Variants in PSEN2 observed in about 807,000 individuals in gnomAD.
PSEN2 encodes the protein presenilin 2.
PSEN2 carries 32 observed loss-of-function variants against 49.1 expected under a neutral mutation model. The observed-to-expected ratio is 0.65, with a 90% CI of 0.49 to 0.88. The LOEUF (loss-of-function observed/expected upper bound fraction) is 0.88. Ranked by LOEUF, PSEN2 falls within the 40% of genes least tolerant of loss-of-function variation. The pLI, the probability that PSEN2 is intolerant of heterozygous loss-of-function variation, is 0.00. For missense variants in PSEN2, 522 were observed against 586.9 expected, an observed-to-expected ratio of 0.89 and a Z score of 1.14; for synonymous variants, 255 against 244.0, an observed-to-expected ratio of 1.05 and a Z score of -0.42.
chr1:226,886,800 A>G (rs1661393430), intron 6 of PSEN2, among the ~76,000 whole-genome samples: 2 of 152,134 alleles, frequency 1.3e-5, no homozygotes, highest in African/African-American at 4.8e-5. Context: ...GCTGAAGCTT[A>G]TCAACAAGTA....
rs756649903 is a variant in PSEN2 at position 226,889,058 on chromosome 1, G to T, written c.787+9G>T. 1 of 1,611,224 alleles carries T rather than the reference G, an allele frequency of 6.2e-7. No homozygotes were observed. Among genetic ancestry groups the T allele is most frequent in the South Asian group, 1.1e-5 (1 of 90,842 alleles). On this transcript the variant is annotated intron_variant, in intron 8 of 12. Transcript: ENST00000366783. ...CGCCATCTCTGTGTATGGTAGGTGG[G>T]CAGCAAGGCTGGTGGGGGCAGTGGG... is the stretch of plus-strand genomic sequence containing the variant.
intron 12 of PSEN2, among the ~76,000 whole-genome samples, chr1:226,903,026 T>C (rs920578173): frequency 2.7e-5 from 4 of 147,520 alleles, no homozygotes; most frequent in African/African-American, 1.1e-4. Flanking sequence ...CTGCAACCTT[T>C]CTATAGGCTT....
intron 9 of PSEN2, chr1:226,890,891 C>T (rs1800678): frequency 0.7 from 178,072 of 252,736 alleles, 63,974 homozygotes; most frequent in Non-Finnish European, 0.76. Flanking sequence ...AGAGGAGAAT[C>T]GCCTGCAGCG....
chr1:226,882,903 A>G (rs922531456), intron 4 of PSEN2, among the ~76,000 whole-genome samples: 1 of 152,180 alleles, frequency 6.6e-6, no homozygotes, highest in Non-Finnish European at 1.5e-5. Context: ...CTGAACGTCT[A>G]GATTGGGACT....
rs570321339 is a variant in PSEN2, at chr1:226,880,633, G to T, written c.-20-1255G>T. On this transcript the variant is annotated intron_variant, in intron 3 of 12. Transcript: ENST00000366783. ...TCTGGACAGCGATAACTCAGCCTCTGTCCCCGTCTGAGATGTTGGCAGGGA... is the reference window on the plus strand; with the variant it reads ...TCTGGACAGCGATAACTCAGCCTCTTTCCCCGTCTGAGATGTTGGCAGGGA... The T allele has an allele frequency of 4.5e-5, 72 of 1,612,790 alleles. No homozygotes were observed. In the Admixed American group the frequency reaches 9.0e-4, roughly 20 times the overall value.
Position 226,890,073 on chromosome 1 carries a change from A to C in PSEN2, c.826A>C (p.Met276Leu). Residue 276 changes from methionine (M) to leucine (L), a missense_variant, in exon 9 of 13, where the codon ATG becomes CTG. Coordinates refer to ENST00000366783, the MANE Select transcript of PSEN2 (RefSeq NM_000447.3). ...AVLCPKGPLR[M>L]LVETAQERNE... Reference sequence around the variant, plus strand: ...GCTGTGTCCCAAAGGGCCTCTGAGAATGCTGGTAGAAACTGCCCAGGAGAG... The same window carrying C: ...GCTGTGTCCCAAAGGGCCTCTGAGACTGCTGGTAGAAACTGCCCAGGAGAG... 6.2e-7 allele frequency: 1 copy of C among 1,614,068 alleles called. No homozygotes were observed. The highest frequency in any genetic ancestry group is 8.5e-7 in the Non-Finnish European group (1 of 1,179,954).
chr1:226,899,583 C>T (rs1662248629), downstream of PSEN2: 1 of 152,200 alleles, frequency 6.6e-6, no homozygotes, highest in African/African-American at 2.4e-5. Context: ...TACACTGGAT[C>T]TCCTAAAACA....
intron 9 of PSEN2, chr1:226,890,982 C>A: frequency 2.1e-6 from 1 of 465,360 alleles, no homozygotes; most frequent in East Asian, 4.0e-5. Flanking sequence ...CCAGGACTGT[C>A]ATGAGTGTCC....
At position 226,895,490 on chromosome 1, in the gene PSEN2, A is replaced by G. The variant is rs1558155801; in HGVS notation, c.1258A>G (p.Ile420Val). ...KKALPALPIS[I>V]TFGLIFYFST... ...GGCGCTGCCCGCCCTCCCCATCTCC[A>G]TCACGTTCGGGCTCATCTTTTACTT... is the stretch of plus-strand genomic sequence containing the variant. The change falls in exon 13 of 13, where the codon ATC becomes GTC. Residue 420 changes from isoleucine (I) to valine (V), a missense_variant. Transcript: ENST00000366783. 3 of 1,613,746 alleles carry G rather than the reference A, an allele frequency of 1.9e-6. No individual in the cohort carries two copies. Among genetic ancestry groups the G allele is most frequent in the Non-Finnish European group, 1.7e-6 (2 of 1,179,918 alleles).
chr1:226,900,536 A>C (rs1327585896), downstream of PSEN2, among the ~76,000 whole-genome samples: 1 of 152,228 alleles, frequency 6.6e-6, no homozygotes, highest in Admixed American at 6.5e-5. Context: ...CTGAGAAGGA[A>C]GGGTCCTGTA....
intron 3 of PSEN2, among the ~76,000 whole-genome samples, chr1:226,876,291 G>C (rs1421685906): frequency 2.0e-5 from 3 of 152,186 alleles, no homozygotes; most frequent in Non-Finnish European, 4.4e-5. Context: ...AATTCAGAGG[G>C]TAGCAGAAGT....
intron 3 of PSEN2, among the ~76,000 whole-genome samples, chr1:226,880,999 C>T (rs1372194048): frequency 2.0e-5 from 3 of 152,296 alleles, no homozygotes; most frequent in East Asian, 1.9e-4. Flanking sequence ...CTCTCTTCTC[C>T]GGTCTTCCCT....
intron 3 of PSEN2, among the ~76,000 whole-genome samples, chr1:226,879,603 T>C (rs1660851437): frequency 6.6e-6 from 1 of 152,220 alleles, no homozygotes; most frequent in South Asian, 2.1e-4. Flanking sequence ...CCAACTCATA[T>C]GTTTACTTAA....
At chr1:226,896,690 T>G (rs2102700840), downstream of PSEN2, among the ~76,000 whole-genome samples, 2 of 151,908 alleles carry the variant, frequency 1.3e-5, no homozygotes, top group Non-Finnish European at 2.9e-5. Context: ...AGTGAGACTT[T>G]GTACAAAAAA....
intron 6 of PSEN2, among the ~76,000 whole-genome samples, chr1:226,886,888 C>T (rs1048421135): frequency 6.6e-6 from 1 of 152,130 alleles, no homozygotes; most frequent in East Asian, 1.9e-4. Flanking sequence ...GATCGCCTGA[C>T]CCCAGGAGTT....
chr1:226,900,027 G>A (rs1353692688), downstream of PSEN2, among the ~76,000 whole-genome samples: 1 of 152,162 alleles, frequency 6.6e-6, no homozygotes, highest in Non-Finnish European at 1.5e-5. Context: ...AGGGATACGT[G>A]GTTATGGCGT....
chr1:226,895,396 C>T (rs376697912), intron 12 of PSEN2, 28 bp from the exon 13 acceptor site: 28 of 1,613,440 alleles, frequency 1.7e-5, no homozygotes, highest in Non-Finnish European at 1.9e-5. Flanking sequence ...GGGATCACCA[C>T]GCTCACCCTC....
chr1:226,877,271 T>C (rs1660693909), intron 3 of PSEN2, among the ~76,000 whole-genome samples: 1 of 152,184 alleles, frequency 6.6e-6, no homozygotes, highest in Non-Finnish European at 1.5e-5. Context: ...AGATCTGCAT[T>C]GTTAATAAGC....
At chr1:226,903,301 G>A (rs1024074702) in intron 12 of PSEN2, among the ~76,000 whole-genome samples, 2 of 152,282 alleles carry the variant, frequency 1.3e-5, no homozygotes, top group East Asian at 3.9e-4. Context: ...TTGTGTTCTA[G>A]CAGACAGCTT....
Sources: gnomAD v4.1 joint callset for allele counts (sites outside exome capture counted in the v4.1 genomes callset) on GRCh38, gnomAD v4.1.1 for gene constraint, MANE v1.5 for transcripts, NCBI Gene and HGNC (gene_info 2026-07-23, HGNC 2026-07-21) for gene names.